PHKA2: variants seen among roughly 807,000 people sequenced by gnomAD.
The protein encoded by PHKA2 is phosphorylase b kinase regulatory subunit alpha, liver isoform.
A neutral mutation model predicts 102.0 loss-of-function variants in PHKA2; 31 were observed. That is an observed-to-expected ratio of 0.30 (90% CI 0.23 to 0.41). The LOEUF (loss-of-function observed/expected upper bound fraction) is 0.41, where lower values mean the gene tolerates loss of function less well. Among genes scored for constraint, PHKA2 ranks in the 10% least tolerant of loss-of-function variants. The pLI is 1.00. For synonymous variants in PHKA2, 455 were observed against 416.2 expected (o/e 1.09, Z -1.13); for missense variants, 858 against 1,023.1 (o/e 0.84, Z 2.20).
At chrX:18,957,387 A>T (rs968429579) in intron 1 of PHKA2, among the ~76,000 whole-genome samples, 1 of 111,740 alleles carries the variant, frequency 8.9e-6, no homozygotes, top group African/African-American at 3.3e-5. Flanking sequence ...AGGAGGGAGA[A>T]AAAGGCTGCC....
At chrX:18,894,063 T>G in intron 32 of PHKA2, 141 bp downstream of exon 32, 1 of 593,704 alleles carries the variant, frequency 1.7e-6, no homozygotes, top group Non-Finnish European at 2.8e-6. Flanking sequence ...TGTACCATTT[T>G]CTAAGCAAGT....
At chrX:18,935,677 A>G (rs1377012246) in intron 11 of PHKA2, among the ~76,000 whole-genome samples, 1 of 104,850 alleles carries the variant, frequency 9.5e-6, no homozygotes, top group Non-Finnish European at 2.0e-5. Context: ...ATCTCGGCTC[A>G]TTGCAACCTC....
intron 21 of PHKA2, 86 bp downstream of exon 21, chrX:18,908,715 A>G: frequency 1.2e-6 from 1 of 857,161 alleles, no homozygotes; most frequent in Non-Finnish European, 1.7e-6. Context: ...AGCCTCCGGA[A>G]CTGTGAGAAA....
chrX:18,973,020 T>C (rs2049036812), intron 1 of PHKA2, among the ~76,000 whole-genome samples: 1 of 112,345 alleles, frequency 8.9e-6, no homozygotes, highest in Non-Finnish European at 1.9e-5. Context: ...GTGCTTTTTC[T>C]GAGACGGAGT....
chrX:18,938,136 C>T (rs993825886), intron 10 of PHKA2, among the ~76,000 whole-genome samples: 2 of 112,810 alleles, frequency 1.8e-5, no homozygotes, highest in Non-Finnish European at 3.7e-5. Flanking sequence ...TTGTCAGTTC[C>T]GGGCCTAACA....
intron 5 of PHKA2, among the ~76,000 whole-genome samples, chrX:18,948,178 A>C (rs1340002608): frequency 8.9e-6 from 1 of 112,358 alleles, no homozygotes; most frequent in Non-Finnish European, 1.9e-5. Flanking sequence ...AAATAAAATA[A>C]AACAAGCATA....
At chrX:18,914,405 C>T (rs1188830218) in intron 19 of PHKA2, among the ~76,000 whole-genome samples, 1 of 112,279 alleles carries the variant, frequency 8.9e-6, no homozygotes, top group Non-Finnish European at 1.9e-5. Flanking sequence ...TGACACAAGG[C>T]AACCAATTCC....
At chrX:18,938,926 A>G (rs763766508) in intron 9 of PHKA2, among the ~76,000 whole-genome samples, 177 bp from the exon 10 acceptor site, 1 of 112,505 alleles carries the variant, frequency 8.9e-6, no homozygotes, top group African/African-American at 3.2e-5. Context: ...ATATTTCAGA[A>G]AGTAAGTCAG....
rs753099180 is a variant in PHKA2, at chrX:18,897,155, C to T, written c.3282+8G>A. The T allele has an allele frequency of 5.0e-5, 60 of 1,209,159 alleles. No homozygotes were observed. Among genetic ancestry groups the T allele is most frequent in the East Asian group, 1.2e-4 (4 of 33,702 alleles). ...TTCACTTCCCCAGGAGCTCGCGTCT[C>T]GGCTTACCTTCTGGAGGATCTTCCA... On this transcript the variant is annotated splice_region_variant and intron_variant, in intron 30 of 32. Transcript: ENST00000379942.
At chrX:18,976,979 G>A (rs1168009667) in intron 1 of PHKA2, among the ~76,000 whole-genome samples, 1 of 112,237 alleles carries the variant, frequency 8.9e-6, no homozygotes, top group East Asian at 2.8e-4. Flanking sequence ...TTTCACAACT[G>A]TGAGTTTATT....
chrX:18,902,650 A>G (rs986809552), intron 26 of PHKA2: 1 of 110,782 alleles, frequency 9.0e-6, no homozygotes. Flanking sequence ...AATCCCAGCT[A>G]CTCGGGAGGC....
rs189092927 is a variant in PHKA2 at position 18,973,041 on chromosome X, C to T, written c.78+10814G>A. Among the ~76,000 whole-genome samples the T allele has an allele frequency of 9.5e-4, 106 of 111,638 alleles. 1 individual carries two copies. The highest frequency in any genetic ancestry group is 8.0e-3 in the Admixed American group (85 of 10,577). Reference sequence around the variant, plus strand: ...TTTCTGAGACGGAGTCTCATTCTGTCGCCCAGGCTGGAGTGCAGTAGCATG... The same window carrying T: ...TTTCTGAGACGGAGTCTCATTCTGTTGCCCAGGCTGGAGTGCAGTAGCATG... On this transcript the variant is annotated intron_variant, in intron 1 of 32. Transcript: ENST00000379942.
In PHKA2 at chrX:18,893,184, C is replaced by CAAT; in HGVS notation, c.*298_*300dup. The CAAT allele has an allele frequency of 2.7e-6, 1 of 363,806 alleles. No individual in the cohort carries two copies. Among genetic ancestry groups the CAAT allele is most frequent in the Non-Finnish European group, 4.9e-6 (1 of 204,889 alleles). The allele number at this position is 363,806 out of a possible 1,213,427, so 30.0% of individuals were successfully genotyped here. On this transcript the variant is annotated 3_prime_UTR_variant, in exon 33 of 33. Transcript: ENST00000379942. ...AGTTCCCTCTGCACTCAAAAGAGACCAATTTCCAATTCCTCCTCAGAGTCC... is the reference window on the plus strand; with the variant it reads ...AGTTCCCTCTGCACTCAAAAGAGACCAATAATTTCCAATTCCTCCTCAGAGTCC...
intron 26 of PHKA2, among the ~76,000 whole-genome samples, chrX:18,905,536 C>G (rs2047793475): frequency 9.0e-6 from 1 of 110,974 alleles, no homozygotes; most frequent in Non-Finnish European, 1.9e-5. Flanking sequence ...TATACCACAC[C>G]CACATGCTGT....
At chrX:18,958,585 T>G (rs1306184705) in intron 1 of PHKA2, among the ~76,000 whole-genome samples, 17 of 110,616 alleles carry the variant, frequency 1.5e-4, no homozygotes, top group African/African-American at 5.3e-4. Flanking sequence ...CCATTTTTAT[T>G]TTTAAAATTT....
At chrX:18,923,985 G>A (rs1263044449) in intron 17 of PHKA2, 71 bp downstream of exon 17, 3 of 722,686 alleles carry the variant, frequency 4.2e-6, no homozygotes, top group Non-Finnish European at 6.6e-6. Flanking sequence ...TGAAAAATGG[G>A]ACAAGGGCAG....
intron 1 of PHKA2, among the ~76,000 whole-genome samples, chrX:18,973,026 G>A (rs1024175901): frequency 2.7e-5 from 3 of 111,459 alleles, no homozygotes; most frequent in African/African-American, 9.8e-5. Context: ...TTTCTGAGAC[G>A]GAGTCTCATT....
chrX:18,903,373 C>T (rs1223854635), intron 26 of PHKA2, among the ~76,000 whole-genome samples: 1 of 112,383 alleles, frequency 8.9e-6, no homozygotes, highest in Non-Finnish European at 1.9e-5. Context: ...TGTCCCCAGT[C>T]CCGTGTGACT....
chrX:18,950,042 A>G (rs1344084751), intron 4 of PHKA2, among the ~76,000 whole-genome samples: 1 of 111,817 alleles, frequency 8.9e-6, no homozygotes, highest in Non-Finnish European at 1.9e-5. Context: ...CATCTGTGGC[A>G]CATGCCATTG....
Sources: allele counts gnomAD v4.1 joint callset (sites outside exome capture counted in the v4.1 genomes callset), GRCh38; gene constraint gnomAD v4.1.1; transcripts MANE v1.5; gene names NCBI Gene and HGNC (gene_info 2026-07-23, HGNC 2026-07-21).